Variants in NKAIN2 observed in about 807,000 individuals in gnomAD.
NKAIN2 encodes the protein sodium/potassium-transporting ATPase subunit beta-1-interacting protein 2.
In NKAIN2, 14 loss-of-function variants were observed where a neutral mutation model predicts 32.6. The observed-to-expected ratio is 0.43, with a 90% CI of 0.28 to 0.67. The LOEUF is 0.67. Among genes scored for constraint, NKAIN2 ranks in the 30% least tolerant of loss-of-function variants. NKAIN2 has a pLI of 0.17. For synonymous variants in NKAIN2, 80 were observed against 87.2 expected, an observed-to-expected ratio of 0.92 and a Z score of 0.46; for missense variants, 198 against 258.3, an observed-to-expected ratio of 0.77 and a Z score of 1.60.
At chr6:124,129,261 G>A (rs1786335511) in intron 1 of NKAIN2, among the ~76,000 whole-genome samples, 1 of 152,078 alleles carries the variant, frequency 6.6e-6, no homozygotes, top group Non-Finnish European at 1.5e-5. Context: ...AGAAGGAGGA[G>A]AAAGGGAAGA....
chr6:124,474,930 T>C (rs1777138612), intron 3 of NKAIN2, among the ~76,000 whole-genome samples: 1 of 147,916 alleles, frequency 6.8e-6, no homozygotes, highest in Non-Finnish European at 1.5e-5. Flanking sequence ...GTATGCATTA[T>C]ATAGGTATAT....
chr6:124,363,215 C>G (rs1280890539), intron 3 of NKAIN2, among the ~76,000 whole-genome samples: 1 of 152,108 alleles, frequency 6.6e-6, no homozygotes, highest in Non-Finnish European at 1.5e-5. Flanking sequence ...TATAATGTAT[C>G]TATTACTTGT....
At chr6:124,492,106 A>T (rs1169213942) in intron 3 of NKAIN2, among the ~76,000 whole-genome samples, 6 of 151,978 alleles carry the variant, frequency 3.9e-5, no homozygotes, top group Admixed American at 3.3e-4. Flanking sequence ...TGTAATAGCT[A>T]ATCTTTTACT....
intron 1 of NKAIN2, among the ~76,000 whole-genome samples, chr6:123,823,551 T>C (rs561864961): frequency 2.0e-5 from 3 of 152,072 alleles, no homozygotes; most frequent in African/African-American, 4.8e-5. Context: ...GCAAAGGTGA[T>C]GGAAATGTAC....
chr6:124,123,823 A>G (rs1026624182), intron 1 of NKAIN2, among the ~76,000 whole-genome samples: 2 of 152,098 alleles, frequency 1.3e-5, no homozygotes, highest in African/African-American at 4.8e-5. Context: ...AACACTCAAA[A>G]CTGCAAGGAG....
At chr6:124,163,049 A>T (rs939943026) in intron 1 of NKAIN2, among the ~76,000 whole-genome samples, 1 of 152,068 alleles carries the variant, frequency 6.6e-6, no homozygotes, top group African/African-American at 2.4e-5. Context: ...TATCATATTT[A>T]TACATCAAAT....
intron 2 of NKAIN2, among the ~76,000 whole-genome samples, chr6:124,283,993 C>T (rs976699970): frequency 3.3e-5 from 5 of 152,142 alleles, no homozygotes; most frequent in African/African-American, 1.2e-4. Context: ...TTTATGAAAG[C>T]GTCCTCATTA....
intron 3 of NKAIN2, among the ~76,000 whole-genome samples, chr6:124,493,143 TTTA>T (rs992059263): frequency 5.3e-5 from 8 of 152,008 alleles, no homozygotes; most frequent in African/African-American, 1.2e-4. Context: ...AGATATTATT[TTTA>T]TTATTAATAT....
intron 1 of NKAIN2, among the ~76,000 whole-genome samples, chr6:123,867,477 C>A (rs146842177): frequency 2.0e-5 from 3 of 152,300 alleles, no homozygotes; most frequent in Admixed American, 6.5e-5. Flanking sequence ...TTATATAGTT[C>A]TCCTCTTTGT....
At chr6:124,325,776 G>A (rs2115036682) in intron 2 of NKAIN2, among the ~76,000 whole-genome samples, 1 of 152,156 alleles carries the variant, frequency 6.6e-6, no homozygotes, top group East Asian at 1.9e-4. Flanking sequence ...GTCCTAATGT[G>A]GGTGCTGATT....
intron 1 of NKAIN2, among the ~76,000 whole-genome samples, chr6:123,939,773 AGT>A (rs67092740): frequency 0.031 from 4,675 of 151,978 alleles, 192 homozygotes; most frequent in African/African-American, 0.1. Flanking sequence ...TTCCATCTCC[AGT>A]TTTTCAAGTC....
At chr6:124,607,164 A>T (rs1404892726) in intron 3 of NKAIN2, among the ~76,000 whole-genome samples, 2 of 152,196 alleles carry the variant, frequency 1.3e-5, no homozygotes, top group East Asian at 1.9e-4. Context: ...GGAATAATTT[A>T]ATCAGTCTCT....
At chr6:124,688,147 T>C (rs979682931) in intron 4 of NKAIN2, among the ~76,000 whole-genome samples, 8 of 152,092 alleles carry the variant, frequency 5.3e-5, no homozygotes, top group Admixed American at 2.6e-4. Flanking sequence ...TTTTCTGCTG[T>C]TCTGCAAGCG....
intron 1 of NKAIN2, among the ~76,000 whole-genome samples, chr6:123,840,001 G>A (rs987710104): frequency 1.3e-5 from 2 of 152,048 alleles, no homozygotes; most frequent in African/African-American, 4.8e-5. Context: ...ATTTCTAACA[G>A]TTTTTGTTTT....
chr6:123,817,078 A>T (rs951931121), intron 1 of NKAIN2, among the ~76,000 whole-genome samples: 1 of 152,150 alleles, frequency 6.6e-6, no homozygotes, highest in African/African-American at 2.4e-5. Flanking sequence ...GAGCTGGAAC[A>T]GAATGATGTT....
intron 1 of NKAIN2, among the ~76,000 whole-genome samples, chr6:124,113,699 C>A (rs1044834284): frequency 3.2e-4 from 48 of 151,764 alleles, no homozygotes; most frequent in African/African-American, 1.1e-3. Context: ...CTGGGTGAAA[C>A]CAGGAGCTTG....
At chr6:124,188,004 G>T (rs1020774033) in intron 1 of NKAIN2, among the ~76,000 whole-genome samples, 1 of 152,114 alleles carries the variant, frequency 6.6e-6, no homozygotes, top group East Asian at 1.9e-4. Flanking sequence ...AGCAATAGAT[G>T]GTCATTGCTT....
At chr6:123,873,901 G>T (rs1388185955) in intron 1 of NKAIN2, among the ~76,000 whole-genome samples, 3 of 152,106 alleles carry the variant, frequency 2.0e-5, no homozygotes, top group Non-Finnish European at 2.9e-5. Context: ...TTTGTGCTTT[G>T]TGATGATGAT....
chr6:124,523,100 G>A (rs1391282339), intron 3 of NKAIN2, among the ~76,000 whole-genome samples: 2 of 38,868 alleles, frequency 5.1e-5, no homozygotes, highest in Admixed American at 5.1e-4. Context: ...CCGAGATCGC[G>A]CCACAGCACT....
Sources: allele counts gnomAD v4.1 joint callset (sites outside exome capture counted in the v4.1 genomes callset), GRCh38; gene constraint gnomAD v4.1.1; transcripts MANE v1.5; gene names NCBI Gene and HGNC (gene_info 2026-07-23, HGNC 2026-07-21).